The following FAM135A variants were observed in gnomAD, a reference collection of about 807,000 sequenced individuals.
The protein encoded by FAM135A is protein FAM135A.
FAM135A carries 79 observed loss-of-function variants against 146.8 expected under a neutral mutation model. That is an observed-to-expected ratio of 0.54 (90% CI 0.45 to 0.65). The LOEUF is 0.65. FAM135A is among the 30% of genes least tolerant of loss of function. FAM135A has a pLI of 0.00. For missense variants in FAM135A, 1,623 were observed against 1,758.2 expected (o/e 0.92, Z 1.38); for synonymous variants, 562 against 603.6 (o/e 0.93, Z 1.01).
chr6:70,508,412 A>G (rs1418155591), intron 12 of FAM135A, among the ~76,000 whole-genome samples: 2 of 152,154 alleles, frequency 1.3e-5, no homozygotes, highest in Non-Finnish European at 2.9e-5. Context: ...ACTGATCTTT[A>G]TTGCTAGTGC....
At chr6:70,446,299 G>A (rs574972418) in intron 4 of FAM135A, among the ~76,000 whole-genome samples, 1 of 152,252 alleles carries the variant, frequency 6.6e-6, no homozygotes, top group Admixed American at 6.5e-5. Flanking sequence ...AGGTTGAGGT[G>A]CCACTATACC....
intron 5 of FAM135A, among the ~76,000 whole-genome samples, chr6:70,474,404 C>T (rs1782214483): frequency 6.6e-6 from 1 of 152,082 alleles, no homozygotes; most frequent in African/African-American, 2.4e-5. Context: ...ATGGTAAGGA[C>T]ATAGTCCTCC....
chr6:70,505,148 A>T (rs1160945501), intron 12 of FAM135A, among the ~76,000 whole-genome samples: 1 of 152,092 alleles, frequency 6.6e-6, no homozygotes, highest in Non-Finnish European at 1.5e-5. Context: ...AATTATAGAC[A>T]TAGTATTCTT....
At chr6:70,497,405 A>T (rs1257078570) in intron 11 of FAM135A, among the ~76,000 whole-genome samples, 1 of 152,168 alleles carries the variant, frequency 6.6e-6, no homozygotes, top group Non-Finnish European at 1.5e-5. Context: ...GGCTGAGACG[A>T]TGGGGTTTTC....
rs1380870270 is a variant in FAM135A, at chr6:70,524,597, AAC to A, written c.1517_1518del (p.Thr506LysfsTer9). 1 of 1,542,008 alleles carries A rather than the reference AAC, an allele frequency of 6.5e-7. No homozygotes were observed. Among genetic ancestry groups the A allele is most frequent in the South Asian group, 1.2e-5 (1 of 81,406 alleles). ...TKLMKTMKSE[N>X]TKKLIKQNSK... ...GCTTATGAAAACAATGAAATCTGAA[AAC>A]ACAAAAAAATTAATAAAACAGAACT... On this transcript the variant is annotated frameshift_variant, in exon 15 of 22. Transcript: ENST00000418814. LOFTEE classifies it high-confidence loss of function.
chr6:70,472,210 CTT>C (rs1332749865), intron 5 of FAM135A, among the ~76,000 whole-genome samples: 4 of 152,040 alleles, frequency 2.6e-5, no homozygotes, highest in African/African-American at 9.7e-5. Context: ...ATAGAGAAAC[CTT>C]TGTTTCTTCA....
At chr6:70,547,495 C>A (rs1208346227) in intron 20 of FAM135A, among the ~76,000 whole-genome samples, 1 of 152,140 alleles carries the variant, frequency 6.6e-6, no homozygotes, top group African/African-American at 2.4e-5. Flanking sequence ...TTAGCAGTAT[C>A]TCTGGCCTCT....
At chr6:70,436,764 T>C (rs1486429770) in intron 4 of FAM135A, among the ~76,000 whole-genome samples, 1 of 152,222 alleles carries the variant, frequency 6.6e-6, no homozygotes, top group African/African-American at 2.4e-5. Flanking sequence ...TAATGGATCA[T>C]AACAGTGAAT....
At position 70,419,107 on chromosome 6, in the gene FAM135A, A is replaced by G. The variant is rs549688204; in HGVS notation, c.-134+3731A>G. 2.6e-5 allele frequency among the ~76,000 whole-genome samples: 4 copies of G among 152,366 alleles called. No homozygotes were observed. The East Asian group carries it at 7.7e-4, about 29-fold the overall frequency. On this transcript the variant is annotated intron_variant, in intron 2 of 21. Transcript: ENST00000418814. ...ACTTGGTTATTTACAACAGAACAGC[A>G]TTCTCAAGATTTCTAAGAGTATTCC...
At chr6:70,470,648 C>T (rs1445022270) in intron 5 of FAM135A, among the ~76,000 whole-genome samples, 1 of 152,236 alleles carries the variant, frequency 6.6e-6, no homozygotes, top group Admixed American at 6.5e-5. Context: ...TGAGCCACTG[C>T]ACCCAGTCCC....
intron 20 of FAM135A, among the ~76,000 whole-genome samples, chr6:70,542,276 A>C (rs866194427): frequency 8.0e-5 from 12 of 149,128 alleles, no homozygotes; most frequent in African/African-American, 2.5e-4. Flanking sequence ...ACACACACAC[A>C]CCCTTTGCTG....
intron 5 of FAM135A, among the ~76,000 whole-genome samples, chr6:70,454,757 A>C (rs1269041186): frequency 6.6e-6 from 1 of 151,932 alleles, no homozygotes; most frequent in Non-Finnish European, 1.5e-5. Context: ...GTTCTGTTCC[A>C]TTGGTCTATC....
intron 2 of FAM135A, among the ~76,000 whole-genome samples, chr6:70,420,145 G>T (rs1364133418): frequency 6.6e-6 from 1 of 152,166 alleles, no homozygotes; most frequent in Non-Finnish European, 1.5e-5. Flanking sequence ...TTTTTCCTTA[G>T]AGTGACAAAA....
intron 8 of FAM135A, among the ~76,000 whole-genome samples, chr6:70,479,702 T>A (rs78774908): frequency 0.021 from 3,242 of 152,240 alleles, 107 homozygotes; most frequent in African/African-American, 0.074. Flanking sequence ...TGGGTTTTTT[T>A]ATCCTCCAAT....
intron 12 of FAM135A, among the ~76,000 whole-genome samples, chr6:70,509,284 A>G (rs776504799): frequency 1.1e-4 from 17 of 152,068 alleles, no homozygotes; most frequent in Admixed American, 1.3e-4. Context: ...AAAAAAAATT[A>G]TGTCTTTCCT....
intron 12 of FAM135A, among the ~76,000 whole-genome samples, chr6:70,520,999 C>T (rs528538721): frequency 6.6e-6 from 1 of 152,312 alleles, no homozygotes; most frequent in East Asian, 1.9e-4. Flanking sequence ...AGGTTTATCG[C>T]CTACTAGCTA....
intron 5 of FAM135A, among the ~76,000 whole-genome samples, chr6:70,464,658 C>CTTTTTTTTTTTTTTTTTTTTTTTT (rs754818109): frequency 8.0e-5 from 8 of 100,452 alleles, no homozygotes; most frequent in African/African-American, 2.6e-4. Context: ...TTCTTTCTTT[C>CTTTTTTTTTTTTTTTTTTTTTTTT]TTTTTTTTCT....
In FAM135A at chr6:70,555,960, T is replaced by A. The variant is rs550078102; in HGVS notation, c.4229-790T>A. ...GTGTGAATCCATACTCATCTCATGATTAAGATCCTTAGGCCAGGCATGGTG... is the reference window on the plus strand; with the variant it reads ...GTGTGAATCCATACTCATCTCATGAATAAGATCCTTAGGCCAGGCATGGTG... On this transcript the variant is annotated intron_variant, in intron 20 of 21. Transcript: ENST00000418814. 2.6e-5 allele frequency among the ~76,000 whole-genome samples: 4 copies of A among 152,110 alleles called. No homozygotes were observed. In the East Asian group the frequency reaches 7.8e-4, roughly 30 times the overall value.
rs374961365 is a variant in FAM135A at position 70,536,323 on chromosome 6, A to G, written c.4029A>G (p.Lys1343=). ...IRSVLTRPRF[K]YYLNKLHTFL... ...CAGTGCTTACAAGGCCAAGGTTTAA[A>G]TATTACCTCAACAAACTTCATACCT... The change falls in exon 19 of 22, where the codon AAA becomes AAG. Residue 1343 remains lysine (K), a synonymous_variant. Coordinates refer to ENST00000418814, the MANE Select transcript of FAM135A (RefSeq NM_001162529.3). The G allele has an allele frequency of 1.4e-4, 219 of 1,613,398 alleles. 1 individual carries two copies. In the Middle Eastern group the frequency reaches 2.6e-3, roughly 19 times the overall value.
Sources: gnomAD v4.1 joint callset for allele counts (sites outside exome capture counted in the v4.1 genomes callset) on GRCh38, gnomAD v4.1.1 for gene constraint, MANE v1.5 for transcripts, NCBI Gene and HGNC (gene_info 2026-07-23, HGNC 2026-07-21) for gene names.